Variants in CD58 observed in about 807,000 individuals in gnomAD.
The protein encoded by CD58 is lymphocyte function-associated antigen 3.
A neutral mutation model predicts 27.6 loss-of-function variants in CD58; 14 were observed. The ratio of observed to expected loss-of-function variants is 0.51; its 90% CI spans 0.34 to 0.79. The LOEUF (loss-of-function observed/expected upper bound fraction) is 0.79, where lower values mean the gene tolerates loss of function less well. Among genes scored for constraint, CD58 ranks in the 30% least tolerant of loss-of-function variants. The pLI, the probability that CD58 is intolerant of heterozygous loss-of-function variation, is 0.02. For missense variants in CD58, 268 were observed against 301.7 expected (o/e 0.89, Z 0.83); for synonymous variants, 117 against 103.8 (o/e 1.13, Z -0.77).
intron 1 of CD58, among the ~76,000 whole-genome samples, chr1:116,568,578 C>T (rs1659023961): frequency 6.6e-6 from 1 of 152,240 alleles, no homozygotes; most frequent in Non-Finnish European, 1.5e-5. Flanking sequence ...CTCTCCCTCA[C>T]TATAAGGTGA....
chr1:116,556,393 C>T (rs1658569237), intron 1 of CD58, among the ~76,000 whole-genome samples: 1 of 152,034 alleles, frequency 6.6e-6, no homozygotes, highest in Non-Finnish European at 1.5e-5. Flanking sequence ...TGAACCTGGA[C>T]AATCTGACTG....
chr1:116,563,756 C>T lies in CD58; in HGVS notation c.70+7147G>A, dbSNP rs566782847. Reference sequence around the variant, plus strand: ...TTGGAGGCTGCAAAGAGCAGGGGGGCCCTGGGTCCAGCCCATGAAACAATT... The same window carrying T: ...TTGGAGGCTGCAAAGAGCAGGGGGGTCCTGGGTCCAGCCCATGAAACAATT... On this transcript the variant is annotated intron_variant, in intron 1 of 5. Coordinates refer to ENST00000369489, the MANE Select transcript of CD58 (RefSeq NM_001779.3). This position sits in a 1 kb window ranked among gnomAD's most constrained non-coding sequence, Gnocchi z 4.1. Among the ~76,000 whole-genome samples, 28 of 152,266 alleles carry T rather than the reference C, an allele frequency of 1.8e-4. No individual in the cohort carries two copies. Among genetic ancestry groups the T allele is most frequent in the African/African-American group, 6.7e-4 (28 of 41,564 alleles).
Position 116,557,547 on chromosome 1 carries a change from C to T in CD58, c.71-12943G>A, listed in dbSNP as rs1224071455. Among the ~76,000 whole-genome samples, 3 of 152,202 alleles carry T rather than the reference C, an allele frequency of 2.0e-5. No individual in the cohort carries two copies. Among genetic ancestry groups the T allele is most frequent in the African/African-American group, 7.2e-5 (3 of 41,456 alleles). ...TTGTACCCACTCATGGATGTCAGCC[C>T]CAATCAAACTTAACAGCCTCGCTAT... On this transcript the variant is annotated intron_variant, in intron 1 of 5. Transcript: ENST00000369489. The surrounding 1 kb of genome is among the most constrained non-coding windows in gnomAD (Gnocchi z 5.2).
At position 116,524,198 on chromosome 1, in the gene CD58, T is replaced by C. The variant is rs1571059840; in HGVS notation, c.629-2215A>G. On this transcript the variant is annotated intron_variant, in intron 3 of 5. Coordinates refer to ENST00000369489, the MANE Select transcript of CD58 (RefSeq NM_001779.3). This position sits in a 1 kb window ranked among gnomAD's most constrained non-coding sequence, Gnocchi z 4.6. ...CTGTCCCAAAGGCCCTAGTTCATTTTCATGGGAAATGATAATTAGGTACCA... is the reference window on the plus strand; with the variant it reads ...CTGTCCCAAAGGCCCTAGTTCATTTCCATGGGAAATGATAATTAGGTACCA... 6.6e-6 allele frequency among the ~76,000 whole-genome samples: 1 copy of C among 152,320 alleles called. No homozygotes were observed. Among genetic ancestry groups the C allele is most frequent in the East Asian group, 1.9e-4 (1 of 5,178 alleles).
At position 116,534,170 on chromosome 1, in the gene CD58, G is replaced by C. The variant is rs1264676371; in HGVS notation, c.628+1795C>G. ...CTAAGGCACTCAGGCCAGTCCTCGG[G>C]GAGCACACGCCGCCCATCTGGCTCG... On this transcript the variant is annotated intron_variant, in intron 3 of 5. Transcript: ENST00000369489. The surrounding 1 kb of genome is among the most constrained non-coding windows in gnomAD (Gnocchi z 5.3). 9 of 629,602 alleles carry C rather than the reference G, an allele frequency of 1.4e-5. No homozygotes were observed. Among genetic ancestry groups the C allele is most frequent in the Non-Finnish European group, 2.6e-5 (9 of 344,616 alleles). The allele number at this position is 629,602 out of a possible 1,614,324, so 39.0% of individuals were successfully genotyped here.
Position 116,528,370 on chromosome 1 carries a change from A to G in CD58, c.629-6387T>C, listed in dbSNP as rs1027600240. Among the ~76,000 whole-genome samples the G allele has an allele frequency of 1.3e-5, 2 of 152,126 alleles. No homozygotes were observed. Among genetic ancestry groups the G allele is most frequent in the Non-Finnish European group, 2.9e-5 (2 of 68,016 alleles). ...TCTCTTTTTTCTTAGGAGTAAGATC[A>G]AAGGGTGTTTTTTTGAGGCTCTACC... On this transcript the variant is annotated intron_variant, in intron 3 of 5. Transcript: ENST00000369489. This position sits in a 1 kb window ranked among gnomAD's most constrained non-coding sequence, Gnocchi z 4.4.
intron 1 of CD58, among the ~76,000 whole-genome samples, chr1:116,558,874 G>A (rs1338678440): frequency 1.3e-5 from 2 of 152,170 alleles, no homozygotes; most frequent in Non-Finnish European, 2.9e-5. Context: ...TCAACTCTGA[G>A]GTAGTTCTTA....
rs1658425920 is a variant in CD58 at position 116,552,494 on chromosome 1, T to C, written c.71-7890A>G. ...TGGGTTGTCACGAACCTTCAATTTG[T>C]AAAAAGCACATTATCTGTGAAGTGC... On this transcript the variant is annotated intron_variant, in intron 1 of 5. Coordinates refer to ENST00000369489, the MANE Select transcript of CD58 (RefSeq NM_001779.3). The surrounding 1 kb of genome is among the most constrained non-coding windows in gnomAD (Gnocchi z 4.5). 6.6e-6 allele frequency among the ~76,000 whole-genome samples: 1 copy of C among 152,200 alleles called. No homozygotes were observed. Among genetic ancestry groups the C allele is most frequent in the Non-Finnish European group, 1.5e-5 (1 of 68,028 alleles).
rs1355792870 is a variant in CD58 at position 116,552,645 on chromosome 1, T to C, written c.71-8041A>G. 6.6e-6 allele frequency among the ~76,000 whole-genome samples: 1 copy of C among 152,182 alleles called. No individual in the cohort carries two copies. The highest frequency in any genetic ancestry group is 1.5e-5 in the Non-Finnish European group (1 of 68,036). ...AATATGTCATAAAATCTCCTTGAAA[T>C]CAACTGGTATAGCTATACTTTATTC... On this transcript the variant is annotated intron_variant, in intron 1 of 5. Transcript: ENST00000369489. The surrounding 1 kb of genome is among the most constrained non-coding windows in gnomAD (Gnocchi z 4.5).
At position 116,557,338 on chromosome 1, in the gene CD58, T is replaced by A. The variant is rs1368012039; in HGVS notation, c.71-12734A>T. 6.6e-6 allele frequency among the ~76,000 whole-genome samples: 1 copy of A among 152,168 alleles called. No individual in the cohort carries two copies. The highest frequency in any genetic ancestry group is 1.5e-5 in the Non-Finnish European group (1 of 68,018). ...ATAAAATGGCTCAGGAGCCCTCATA[T>A]ACAACCAAAACAGACTCAGTTTTTC... On this transcript the variant is annotated intron_variant, in intron 1 of 5. Coordinates refer to ENST00000369489, the MANE Select transcript of CD58 (RefSeq NM_001779.3). This position sits in a 1 kb window ranked among gnomAD's most constrained non-coding sequence, Gnocchi z 5.2.
chr1:116,539,827 G>A (rs557777128), intron 2 of CD58, among the ~76,000 whole-genome samples: 5 of 152,110 alleles, frequency 3.3e-5, no homozygotes, highest in Non-Finnish European at 7.3e-5. Context: ...ACAAATATTC[G>A]TTATACCTCT....
rs1659127508 is a variant in CD58 at position 116,570,983 on chromosome 1, G to A, written c.-11C>T. 6.5e-7 allele frequency: 1 copy of A among 1,540,538 alleles called. No homozygotes were observed. The highest frequency in any genetic ancestry group is 8.7e-7 in the Non-Finnish European group (1 of 1,150,258). ...GCTCCCAGCAACCATGGCTCGTCGG[G>A]CCGGCCTCTGCGCGAGTGCCCAGCC... On this transcript the variant is annotated 5_prime_UTR_variant, in exon 1 of 6. Transcript: ENST00000369489. The surrounding 1 kb of genome is among the most constrained non-coding windows in gnomAD (Gnocchi z 6.4).
chr1:116,526,916 T>C (rs1657448936), intron 3 of CD58, among the ~76,000 whole-genome samples: 1 of 152,230 alleles, frequency 6.6e-6, no homozygotes, highest in Non-Finnish European at 1.5e-5. Flanking sequence ...TTATTGTACC[T>C]AAGTATTGCA....
chr1:116,518,480 G>T (rs528053758), intron 5 of CD58, among the ~76,000 whole-genome samples: 3 of 151,974 alleles, frequency 2.0e-5, no homozygotes, highest in Non-Finnish European at 2.9e-5. Context: ...ATGACCCAAA[G>T]CCTCTCTCAA....
At position 116,515,609 on chromosome 1, in the gene CD58, C is replaced by G. The variant is rs1288252381; in HGVS notation, c.744-787G>C. ...GGATTCTTGTTGGGGCAGCTTTTTG[C>G]CGGTCTCTGCTTCCCTGCCCTCTCC... On this transcript the variant is annotated intron_variant, in intron 5 of 5. Transcript: ENST00000369489. The surrounding 1 kb of genome is among the most constrained non-coding windows in gnomAD (Gnocchi z 4.6). 6.6e-6 allele frequency among the ~76,000 whole-genome samples: 1 copy of G among 152,136 alleles called. No individual in the cohort carries two copies. Among genetic ancestry groups the G allele is most frequent in the Non-Finnish European group, 1.5e-5 (1 of 68,008 alleles).
At position 116,570,886 on chromosome 1, in the gene CD58, G is replaced by C. The variant is rs1251433296; in HGVS notation, c.70+17C>G. The C allele has an allele frequency of 3.2e-6, 5 of 1,545,192 alleles. No homozygotes were observed. The East Asian group carries it at 7.3e-5, about 23-fold the overall frequency. ...CCCGCCGGCCGGCGCGGGGCCCCTG[G>C]GGCAGGCTTCACTCACCAAAGCAGT... is the stretch of plus-strand genomic sequence containing the variant. On this transcript the variant is annotated intron_variant, in intron 1 of 5. Transcript: ENST00000369489. This position sits in a 1 kb window ranked among gnomAD's most constrained non-coding sequence, Gnocchi z 6.4.
intron 3 of CD58, chr1:116,533,875 A>C: frequency 7.5e-6 from 8 of 1,067,044 alleles, no homozygotes; most frequent in African/African-American, 1.6e-5. Context: ...TCTCACCTGA[A>C]TTTGTTTCAA....
rs1037087223 is a variant in CD58 at position 116,517,166 on chromosome 1, G to A, written c.743+2065C>T. On this transcript the variant is annotated intron_variant, in intron 5 of 5. Transcript: ENST00000369489. This position sits in a 1 kb window ranked among gnomAD's most constrained non-coding sequence, Gnocchi z 6.5. ...ACCACCTAGATCTCAGCAGAGACCT[G>A]ACTTGGCTCTCACACTCACCTGGGG... 6.6e-6 allele frequency among the ~76,000 whole-genome samples: 1 copy of A among 151,694 alleles called. No homozygotes were observed. Among genetic ancestry groups the A allele is most frequent in the African/African-American group, 2.4e-5 (1 of 41,270 alleles).
chr1:116,540,481 G>A (rs760258162), intron 2 of CD58, among the ~76,000 whole-genome samples: 18 of 152,260 alleles, frequency 1.2e-4, no homozygotes, highest in Admixed American at 5.2e-4. Context: ...CTACCTGGAT[G>A]ATAGTAGCTT....
Sources: allele counts gnomAD v4.1 joint callset (sites outside exome capture counted in the v4.1 genomes callset), GRCh38; gene constraint gnomAD v4.1.1; non-coding constraint Gnocchi (gnomAD v3.1); transcripts MANE v1.5; gene names NCBI Gene and HGNC (gene_info 2026-07-23, HGNC 2026-07-21).